Variants in SHROOM3 observed in about 807,000 individuals in gnomAD.
SHROOM3 encodes protein Shroom3.
SHROOM3 carries 47 observed loss-of-function variants against 138.6 expected under a neutral mutation model. The ratio of observed to expected loss-of-function variants is 0.34; its 90% confidence interval spans 0.27 to 0.43. SHROOM3 has a LOEUF of 0.43. Ranked by LOEUF, SHROOM3 falls within the 20% of genes least tolerant of loss-of-function variation. The probability of loss-of-function intolerance (pLI) is 1.00; values close to 1 mark genes in which losing one functional copy is unlikely to be tolerated. For synonymous variants in SHROOM3, 1,062 were observed against 1,063.3 expected, an observed-to-expected ratio of 1.00 and a Z score of 0.02; for missense variants, 2,491 against 2,596.5, an observed-to-expected ratio of 0.96 and a Z score of 0.88.
At chr4:76,592,047 C>G (rs10012259) in intron 2 of SHROOM3, among the ~76,000 whole-genome samples, 88,006 of 151,982 alleles carry the variant, frequency 0.58, 26,136 homozygotes, top group East Asian at 0.85. Flanking sequence ...TGGCAGAGAG[C>G]GTATTGCAAT....
At position 76,663,929 on chromosome 4, in the gene SHROOM3, A is replaced by T. The variant is rs76512848; in HGVS notation, c.324-46227A>T. Reference sequence around the variant, plus strand: ...CCCTCTTGGTCTCTGTAGGAACTTGAGTCATGACACCTGCCTCACCCCAAG... The same window carrying T: ...CCCTCTTGGTCTCTGTAGGAACTTGTGTCATGACACCTGCCTCACCCCAAG... On this transcript the variant is annotated intron_variant, in intron 2 of 10. Transcript: ENST00000296043. Among the ~76,000 whole-genome samples the T allele has an allele frequency of 8.5e-3, 1,288 of 152,292 alleles. 14 individuals carry two copies. The highest frequency in any genetic ancestry group is 0.03 in the African/African-American group (1,226 of 41,552).
chr4:76,580,069 C>T (rs1241733993), intron 2 of SHROOM3, among the ~76,000 whole-genome samples: 1 of 152,126 alleles, frequency 6.6e-6, no homozygotes, highest in Non-Finnish European at 1.5e-5. Context: ...CACAAGATGC[C>T]GGGTTAGGAA....
chr4:76,556,261 GTTTGATTTTAA>G (rs1158360287), intron 2 of SHROOM3, among the ~76,000 whole-genome samples: 1 of 152,194 alleles, frequency 6.6e-6, no homozygotes, highest in African/African-American at 2.4e-5. Flanking sequence ...GTTGGGTTGT[GTTTGATTTTAA>G]TGCCTTAGCA....
In SHROOM3 at chr4:76,740,218, G is replaced by A. The variant is rs747111221; in HGVS notation, c.2045G>A (p.Arg682Gln). The change falls in exon 5 of 11, where the codon CGG becomes CAG. Residue 682 changes from arginine to glutamine, a missense_variant. By Grantham distance (43) the Arg-to-Gln change is conservative (BLOSUM62 1). Around this residue, in one of 4 missense-constraint regions of SHROOM3, gnomAD observed 1,733 missense variants for 1,661.6 expected, o/e 1.04. Coordinates refer to ENST00000296043, the MANE Select transcript of SHROOM3 (RefSeq NM_020859.4). The surrounding 1 kb of genome is among the most constrained non-coding windows in gnomAD (Gnocchi z 4.0). ...LRRHSSLELG[R>Q]GTQEGYPGGR... Reference sequence around the variant, plus strand: ...AGACACAGCAGCCTGGAGCTAGGCCGGGGAACCCAGGAGGGTTACCCCGGG... The same window carrying A: ...AGACACAGCAGCCTGGAGCTAGGCCAGGGAACCCAGGAGGGTTACCCCGGG... 5.6e-6 allele frequency: 9 copies of A among 1,613,344 alleles called. No homozygotes were observed. The highest frequency in any genetic ancestry group is 2.7e-5 in the African/African-American group (2 of 74,950).
At chr4:76,661,497 T>C (rs1310512858) in intron 2 of SHROOM3, among the ~76,000 whole-genome samples, 19 of 151,962 alleles carry the variant, frequency 1.3e-4, no homozygotes, top group Admixed American at 1.2e-3. Flanking sequence ...CCCAAAGCGC[T>C]GGGTGGGATT....
At chr4:76,764,358 G>T (rs1050873866) in intron 9 of SHROOM3, among the ~76,000 whole-genome samples, 2 of 152,166 alleles carry the variant, frequency 1.3e-5, no homozygotes, top group African/African-American at 2.4e-5. Context: ...AACAGGCTTT[G>T]GCTTCAGAAA....
intron 1 of SHROOM3, among the ~76,000 whole-genome samples, chr4:76,458,895 C>T (rs1390955944): frequency 6.6e-6 from 1 of 152,172 alleles, no homozygotes; most frequent in Non-Finnish European, 1.5e-5. Context: ...TGTATTTGGA[C>T]AGGAGCTCTG....
intron 2 of SHROOM3, among the ~76,000 whole-genome samples, chr4:76,685,942 A>C (rs1719323644): frequency 6.6e-6 from 1 of 152,226 alleles, no homozygotes; most frequent in African/African-American, 2.4e-5. Context: ...ACTGCACTCC[A>C]GCCTGGGTGA....
chr4:76,673,937 A>G (rs1463916744), intron 2 of SHROOM3, among the ~76,000 whole-genome samples: 2 of 152,200 alleles, frequency 1.3e-5, no homozygotes, highest in Non-Finnish European at 2.9e-5. Context: ...CAGTGGCGCA[A>G]TCGTAGCTCA....
chr4:76,724,274 A>G (rs1720635370), intron 3 of SHROOM3, among the ~76,000 whole-genome samples: 1 of 152,216 alleles, frequency 6.6e-6, no homozygotes, highest in Admixed American at 6.5e-5. Flanking sequence ...ACTTACTGAT[A>G]TGCTCATGAT....
Position 76,782,932 on chromosome 4 carries a change from T to C in SHROOM3, c.*3755T>C, listed in dbSNP as rs534262498. On this transcript the variant is annotated 3_prime_UTR_variant, in exon 11 of 11. Transcript: ENST00000296043. ...TTAAATAAAACTTCACATTTCTTAA[T>C]GGGGAGCTCATTCAGAAACTAAATA... is the stretch of plus-strand genomic sequence containing the variant. 4 of 152,302 alleles carry C rather than the reference T, an allele frequency of 2.6e-5. No individual in the cohort carries two copies. The highest frequency in any genetic ancestry group is 1.9e-4 in the East Asian group (1 of 5,180). The allele number at this position is 152,302 out of a possible 1,614,324, so 9.4% of individuals were successfully genotyped here.
intron 2 of SHROOM3, among the ~76,000 whole-genome samples, chr4:76,675,936 A>ATATCT (rs1296183071): frequency 2.0e-5 from 3 of 152,198 alleles, no homozygotes; most frequent in African/African-American, 7.2e-5. Flanking sequence ...GAGAAGGCTG[A>ATATCT]GAGCTGATAC....
intron 5 of SHROOM3, 84 bp from the exon 6 acceptor site, chr4:76,748,932 TC>T: frequency 7.5e-7 from 1 of 1,326,070 alleles, no homozygotes; most frequent in Non-Finnish European, 1.1e-6. Flanking sequence ...AAATAGGTGT[TC>T]CTTCTCCTTT....
intron 10 of SHROOM3, among the ~76,000 whole-genome samples, chr4:76,776,984 G>C (rs1722590636): frequency 6.6e-6 from 1 of 152,144 alleles, no homozygotes; most frequent in Admixed American, 6.5e-5. Context: ...ATACCATGCT[G>C]TTTTGGTGAC....
At position 76,757,061 on chromosome 4, in the gene SHROOM3, A is replaced by AT. The variant is rs757692527; in HGVS notation, c.5198+128dup. ...CCACAGCTCCTGAACCAAGAGTGAC[A>AT]TTTTATCTCAGTCTTGGAGGAATGG... On this transcript the variant is annotated intron_variant, in intron 8 of 10. Transcript: ENST00000296043. 9.0e-5 allele frequency: 134 copies of AT among 1,489,832 alleles called. No homozygotes were observed. In the Admixed American group the frequency reaches 1.2e-3, roughly 13 times the overall value. The allele number at this position is 1,489,832 out of a possible 1,614,324, so 92.3% of individuals were successfully genotyped here.
chr4:76,694,266 G>A (rs1483842147), intron 2 of SHROOM3, among the ~76,000 whole-genome samples: 4 of 152,094 alleles, frequency 2.6e-5, no homozygotes, highest in Non-Finnish European at 4.4e-5. Flanking sequence ...TACCCTCAAG[G>A]GTTCATAGAC....
At chr4:76,634,888 T>G (rs1369478551) in intron 2 of SHROOM3, among the ~76,000 whole-genome samples, 3 of 152,220 alleles carry the variant, frequency 2.0e-5, no homozygotes, top group Non-Finnish European at 2.9e-5. Context: ...ATAGACCGTG[T>G]TTCCTTTAAG....
chr4:76,476,088 T>G (rs1731479546), intron 1 of SHROOM3, among the ~76,000 whole-genome samples: 1 of 152,168 alleles, frequency 6.6e-6, no homozygotes, highest in African/African-American at 2.4e-5. Flanking sequence ...TACAACACAA[T>G]GTGAGGGCAA....
At chr4:76,713,961 CAG>C (rs1444973782) in intron 3 of SHROOM3, among the ~76,000 whole-genome samples, 1 of 152,190 alleles carries the variant, frequency 6.6e-6, no homozygotes, top group Non-Finnish European at 1.5e-5. Context: ...CCTAGGAAAT[CAG>C]AGTCATTCTC....
Sources: allele counts gnomAD v4.1 joint callset (sites outside exome capture counted in the v4.1 genomes callset), GRCh38; gene constraint gnomAD v4.1.1; regional missense constraint gnomAD v4.1.1; non-coding constraint Gnocchi (gnomAD v3.1); transcripts MANE v1.5; gene names NCBI Gene and HGNC (gene_info 2026-07-23, HGNC 2026-07-21).